Variants in SORCS3 observed in about 807,000 individuals in gnomAD.
SORCS3 encodes VPS10 domain-containing receptor SorCS3.
Under a neutral mutation model 146.3 loss-of-function variants are expected in SORCS3, and 57 were observed. The observed-to-expected ratio is 0.39, with a 90% confidence interval of 0.31 to 0.49. The LOEUF (loss-of-function observed/expected upper bound fraction) is 0.49. SORCS3 is among the 20% of genes least tolerant of loss of function. SORCS3 has a pLI of 0.92. For synonymous variants in SORCS3, 653 were observed against 618.5 expected (o/e 1.06, Z -0.83); for missense variants, 1,341 against 1,575.5 (o/e 0.85, Z 2.52).
chr10:104,863,843 A>G (rs2018432031), intron 2 of SORCS3, among the ~76,000 whole-genome samples: 1 of 152,192 alleles, frequency 6.6e-6, no homozygotes, highest in Non-Finnish European at 1.5e-5. Flanking sequence ...TTTTGGAGTG[A>G]GGGCATGTGC....
intron 3 of SORCS3, among the ~76,000 whole-genome samples, chr10:104,948,073 G>A (rs1478621369): frequency 6.6e-6 from 1 of 152,186 alleles, no homozygotes; most frequent in East Asian, 1.9e-4. Context: ...TGGGATTGAG[G>A]AACAAATAAC....
intron 3 of SORCS3, among the ~76,000 whole-genome samples, chr10:104,952,199 A>G (rs1250621199): frequency 7.6e-6 from 1 of 131,870 alleles, no homozygotes; most frequent in Non-Finnish European, 1.6e-5. Context: ...TCTTTGTCGG[A>G]CCCAAATCTG....
chr10:105,119,703 A>G (rs1187612722), intron 7 of SORCS3, among the ~76,000 whole-genome samples: 1 of 152,144 alleles, frequency 6.6e-6, no homozygotes, highest in Non-Finnish European at 1.5e-5. Context: ...TGGCTGCCCT[A>G]TTGGATTTCG....
chr10:104,667,681 C>T (rs2015798501), intron 1 of SORCS3, among the ~76,000 whole-genome samples: 1 of 152,176 alleles, frequency 6.6e-6, no homozygotes, highest in South Asian at 2.1e-4. Context: ...GAACAAAACC[C>T]CAGAGTAAAT....
intron 1 of SORCS3, among the ~76,000 whole-genome samples, chr10:104,685,035 C>G (rs2016028568): frequency 6.6e-6 from 1 of 151,826 alleles, no homozygotes; most frequent in Non-Finnish European, 1.5e-5. Context: ...CAAGGCTGGT[C>G]TCGAGCTCCT....
intron 11 of SORCS3, among the ~76,000 whole-genome samples, chr10:105,160,662 C>A (rs2056254592): frequency 6.6e-6 from 1 of 152,146 alleles, no homozygotes; most frequent in Non-Finnish European, 1.5e-5. Flanking sequence ...ATGCTTAGAA[C>A]AGTGCCTGGG....
chr10:105,236,928 A>G (rs944433735), intron 20 of SORCS3, among the ~76,000 whole-genome samples: 15 of 152,156 alleles, frequency 9.9e-5, no homozygotes, highest in African/African-American at 3.4e-4. Context: ...CTATCAAGCA[A>G]TCAATCTATC....
At chr10:104,774,418 C>G (rs1365992064) in intron 1 of SORCS3, among the ~76,000 whole-genome samples, 1 of 152,186 alleles carries the variant, frequency 6.6e-6, no homozygotes, top group Non-Finnish European at 1.5e-5. Context: ...TCGACGCTGC[C>G]ATTTCCCCGG....
Position 104,835,931 on chromosome 10 carries a change from A to C in SORCS3, c.628-6861A>C, listed in dbSNP as rs557850723. Among the ~76,000 whole-genome samples, 20 of 152,296 alleles carry C rather than the reference A, an allele frequency of 1.3e-4. No individual in the cohort carries two copies. The East Asian group carries it at 3.5e-3, about 26-fold the overall frequency. ...GTGAGCGTGGCAGGGAAAGTGTACC[A>C]TTACCCCATTTTAGTAAAACACAGC... On this transcript the variant is annotated intron_variant, in intron 1 of 26. Transcript: ENST00000369701.
chr10:105,086,193 G>A (rs968509977), intron 5 of SORCS3, among the ~76,000 whole-genome samples: 9 of 152,102 alleles, frequency 5.9e-5, no homozygotes, highest in Admixed American at 2.6e-4. Flanking sequence ...ACTGGATCAC[G>A]TGACATTCCA....
At chr10:104,665,842 G>A (rs532957752) in intron 1 of SORCS3, 1 of 152,308 alleles carries the variant, frequency 6.6e-6, no homozygotes, top group Admixed American at 6.5e-5. Context: ...CAATAGTCTT[G>A]TCTTTGGAGC....
chr10:104,961,577 G>A (rs1337212683), intron 3 of SORCS3, among the ~76,000 whole-genome samples: 1 of 152,154 alleles, frequency 6.6e-6, no homozygotes, highest in East Asian at 1.9e-4. Context: ...AAAAAATAAT[G>A]TGGCCACCAA....
chr10:104,955,852 C>T (rs1224471005), intron 3 of SORCS3, among the ~76,000 whole-genome samples: 1 of 152,070 alleles, frequency 6.6e-6, no homozygotes, highest in Non-Finnish European at 1.5e-5. Flanking sequence ...ATAAATTGGG[C>T]TCTGAGAAGG....
chr10:105,240,807 C>T (rs1344026329), intron 20 of SORCS3, among the ~76,000 whole-genome samples: 1 of 151,888 alleles, frequency 6.6e-6, no homozygotes, highest in Non-Finnish European at 1.5e-5. Context: ...CAGCCCAGTC[C>T]CCCTTCTCAG....
intron 1 of SORCS3, among the ~76,000 whole-genome samples, chr10:104,658,434 C>T (rs1463011116): frequency 6.6e-6 from 1 of 152,122 alleles, no homozygotes; most frequent in East Asian, 1.9e-4. Flanking sequence ...CAGCACAAGT[C>T]TCCTTTTTTA....
chr10:105,168,529 G>A (rs181957066), intron 13 of SORCS3, among the ~76,000 whole-genome samples: 22 of 152,222 alleles, frequency 1.4e-4, no homozygotes, highest in Non-Finnish European at 5.9e-5. Flanking sequence ...CAGTTGGTCG[G>A]ATTCACATGG....
chr10:104,700,949 A>G (rs1253210894), intron 1 of SORCS3, among the ~76,000 whole-genome samples: 2 of 152,218 alleles, frequency 1.3e-5, no homozygotes, highest in African/African-American at 4.8e-5. Context: ...AAAGTTATTC[A>G]TACTGATAGA....
chr10:105,133,358 C>T (rs2056035456), intron 7 of SORCS3, among the ~76,000 whole-genome samples: 1 of 152,130 alleles, frequency 6.6e-6, no homozygotes, highest in Admixed American at 6.6e-5. Context: ...ATATTGACCC[C>T]CTGCTGTGTA....
rs183245925 is a variant in SORCS3, at chr10:104,798,093, T to A, written c.628-44699T>A. 1.5e-3 allele frequency among the ~76,000 whole-genome samples: 227 copies of A among 152,234 alleles called. 3 individuals carry two copies. Among genetic ancestry groups the A allele is most frequent in the African/African-American group, 5.3e-3 (219 of 41,558 alleles). Reference sequence around the variant, plus strand: ...TAACTAGTAAGGACTCAGGCACTCATCAATTAGAAAGGGCTCTGGCTGTAG... The same window carrying A: ...TAACTAGTAAGGACTCAGGCACTCAACAATTAGAAAGGGCTCTGGCTGTAG... On this transcript the variant is annotated intron_variant, in intron 1 of 26. Transcript: ENST00000369701.
Sources: gnomAD v4.1 joint callset for allele counts (sites outside exome capture counted in the v4.1 genomes callset) on GRCh38, gnomAD v4.1.1 for gene constraint, MANE v1.5 for transcripts, NCBI Gene and HGNC (gene_info 2026-07-23, HGNC 2026-07-21) for gene names.